The following STPG2 variants were observed in gnomAD, a reference collection of about 807,000 sequenced individuals.
STPG2 encodes sperm-tail PG-rich repeat-containing protein 2.
Under a neutral mutation model 54.2 loss-of-function variants are expected in STPG2, and 56 were observed. The observed-to-expected ratio is 1.03, with a 90% CI of 0.83 to 1.29. The LOEUF (loss-of-function observed/expected upper bound fraction) is 1.29, where lower values mean the gene tolerates loss of function less well. STPG2 is among the 50% of genes most tolerant of loss of function. The probability of loss-of-function intolerance (pLI) is 0.00; values close to 1 mark genes in which losing one functional copy is unlikely to be tolerated. For missense variants in STPG2, 596 were observed against 544.9 expected (o/e 1.09, Z -0.93); for synonymous variants, 200 against 181.8 (o/e 1.10, Z -0.81).
At chr4:97,804,234 T>A (rs937253390) in intron 9 of STPG2, among the ~76,000 whole-genome samples, 3 of 152,206 alleles carry the variant, frequency 2.0e-5, no homozygotes, top group African/African-American at 7.2e-5. Context: ...TAGGTGTTTC[T>A]GCTAGAGTAA....
intron 3 of STPG2, among the ~76,000 whole-genome samples, chr4:98,121,803 C>T (rs181069446): frequency 6.6e-6 from 1 of 152,208 alleles, no homozygotes; most frequent in Admixed American, 6.5e-5. Flanking sequence ...CTCACTGCAA[C>T]TTCCACCTCC....
intron 8 of STPG2, among the ~76,000 whole-genome samples, chr4:97,931,727 T>A (rs904986091): frequency 5.3e-5 from 8 of 152,022 alleles, no homozygotes; most frequent in South Asian, 2.1e-4. Flanking sequence ...TTCTGCCAAG[T>A]TTTGGCATCA....
intron 7 of STPG2, among the ~76,000 whole-genome samples, chr4:97,969,653 C>G (rs1211345656): frequency 6.6e-6 from 1 of 152,096 alleles, no homozygotes; most frequent in Non-Finnish European, 1.5e-5. Flanking sequence ...GTATTGATGG[C>G]ACGTATCTCA....
chr4:98,032,083 G>A (rs568310322), intron 5 of STPG2, among the ~76,000 whole-genome samples: 12 of 152,200 alleles, frequency 7.9e-5, no homozygotes, highest in Non-Finnish European at 1.6e-4. Context: ...TAGCATGGAT[G>A]TGGTGAACAG....
chr4:98,116,376 A>G lies in STPG2; in HGVS notation c.388-7071T>C, dbSNP rs527266483. 3.3e-5 allele frequency among the ~76,000 whole-genome samples: 5 copies of G among 152,080 alleles called. No homozygotes were observed. The South Asian group carries it at 8.3e-4, about 25-fold the overall frequency. On this transcript the variant is annotated intron_variant, in intron 3 of 10. Transcript: ENST00000295268. ...TGAAGAATACTTATTCCAATATGTT[A>G]GACCATAGTTATTTTTCTCAGGATA...
At chr4:97,744,968 A>G (rs952082037) in intron 9 of STPG2, among the ~76,000 whole-genome samples, 4 of 151,334 alleles carry the variant, frequency 2.6e-5, no homozygotes, top group African/African-American at 9.7e-5. Flanking sequence ...CAACACTGCA[A>G]TGCTTTAAAA....
intron 8 of STPG2, among the ~76,000 whole-genome samples, chr4:97,905,430 C>A (rs1483882483): frequency 6.6e-6 from 1 of 151,936 alleles, no homozygotes; most frequent in African/African-American, 2.4e-5. Flanking sequence ...ACCACCAGGC[C>A]TGCCCTAAAA....
At chr4:97,739,518 A>C (rs930720925) in intron 9 of STPG2, among the ~76,000 whole-genome samples, 3 of 152,206 alleles carry the variant, frequency 2.0e-5, no homozygotes, top group Non-Finnish European at 2.9e-5. Context: ...GCAATAAAAA[A>C]CGATAAAGGG....
At chr4:98,031,131 C>T (rs1294996017) in intron 5 of STPG2, among the ~76,000 whole-genome samples, 1 of 152,068 alleles carries the variant, frequency 6.6e-6, no homozygotes, top group African/African-American at 2.4e-5. Flanking sequence ...TGATATTCAA[C>T]AAACAAAAAC....
intron 9 of STPG2, among the ~76,000 whole-genome samples, chr4:97,813,227 A>T (rs559768171): frequency 7.5e-6 from 1 of 133,210 alleles, no homozygotes; most frequent in South Asian, 2.5e-4. Flanking sequence ...GCAGGGTCAA[A>T]GTAAAAACAG....
chr4:97,491,130 G>A (rs1298138339), intron 4 of STPG2, among the ~76,000 whole-genome samples: 1 of 151,138 alleles, frequency 6.6e-6, no homozygotes, highest in Admixed American at 6.6e-5. Flanking sequence ...TTCAAATTCT[G>A]GCAGAAAATT....
At chr4:98,119,444 G>T (rs1166953648) in intron 3 of STPG2, among the ~76,000 whole-genome samples, 1 of 151,958 alleles carries the variant, frequency 6.6e-6, no homozygotes, top group Non-Finnish European at 1.5e-5. Flanking sequence ...AGATTCTAAA[G>T]AGACATGCAA....
chr4:97,795,186 T>C (rs1312187614), intron 9 of STPG2, among the ~76,000 whole-genome samples: 1 of 152,082 alleles, frequency 6.6e-6, no homozygotes, highest in Non-Finnish European at 1.5e-5. Context: ...TCTACTTTTT[T>C]TATTAATTTT....
chr4:97,726,104 A>T (rs1287805630), intron 9 of STPG2, among the ~76,000 whole-genome samples: 3 of 151,922 alleles, frequency 2.0e-5, no homozygotes, highest in Admixed American at 2.0e-4. Context: ...CCTAGAGAAA[A>T]ATCAATCCAA....
chr4:97,929,269 T>A (rs1320216936), intron 8 of STPG2, among the ~76,000 whole-genome samples: 2 of 152,368 alleles, frequency 1.3e-5, no homozygotes, highest in East Asian at 3.9e-4. Flanking sequence ...CTTTCTCCAA[T>A]CTGTCATTGA....
At chr4:97,570,073 T>C (rs1430590103) in intron 10 of STPG2, among the ~76,000 whole-genome samples, 1 of 152,054 alleles carries the variant, frequency 6.6e-6, no homozygotes, top group Non-Finnish European at 1.5e-5. Context: ...TTTTTAAGGA[T>C]TGTCACTGTC....
intron 9 of STPG2, among the ~76,000 whole-genome samples, chr4:97,779,800 T>C (rs1238368634): frequency 3.3e-5 from 5 of 152,168 alleles, no homozygotes; most frequent in Non-Finnish European, 5.9e-5. Context: ...GAAAAGAATT[T>C]TCAACCTAGA....
At chr4:97,719,000 T>C (rs1355144237) in intron 9 of STPG2, among the ~76,000 whole-genome samples, 2 of 151,990 alleles carry the variant, frequency 1.3e-5, no homozygotes, top group Admixed American at 1.3e-4. Flanking sequence ...TACTCATTGA[T>C]ACATTTCAGA....
intron 8 of STPG2, among the ~76,000 whole-genome samples, chr4:97,873,838 G>A (rs1384459985): frequency 6.6e-6 from 1 of 151,352 alleles, no homozygotes; most frequent in South Asian, 2.1e-4. Context: ...TAAATACATG[G>A]AGCTATTCAG....
Sources: gnomAD v4.1 joint callset for allele counts (sites outside exome capture counted in the v4.1 genomes callset) on GRCh38, gnomAD v4.1.1 for gene constraint, MANE v1.5 for transcripts, NCBI Gene and HGNC (gene_info 2026-07-23, HGNC 2026-07-21) for gene names.